TMEM63A: variants seen among roughly 807,000 people sequenced by gnomAD.
TMEM63A encodes the protein mechanosensitive cation channel TMEM63A.
Under a neutral mutation model 100.6 loss-of-function variants are expected in TMEM63A, and 76 were observed. That is an observed-to-expected ratio of 0.76 (90% CI 0.63 to 0.91). The LOEUF is 0.91. Ranked by LOEUF, TMEM63A falls within the 40% of genes least tolerant of loss-of-function variation. TMEM63A has a pLI of 0.00. For synonymous variants in TMEM63A, 401 were observed against 401.1 expected, an observed-to-expected ratio of 1.00 and a Z score of 0.00; for missense variants, 876 against 1,008.8, an observed-to-expected ratio of 0.87 and a Z score of 1.78.
chr1:225,866,057 A>T, intron 9 of TMEM63A, 90 bp from the exon 10 acceptor site: 2 of 1,340,770 alleles, frequency 1.5e-6, no homozygotes, highest in South Asian at 2.5e-5. Context: ...GCCTCTGGAA[A>T]GTAAACAACA....
intron 20 of TMEM63A, among the ~76,000 whole-genome samples, chr1:225,851,434 A>G (rs12070110): frequency 0.037 from 5,631 of 152,140 alleles, 321 homozygotes; most frequent in African/African-American, 0.13. Context: ...CACTGGTGCA[A>G]TCTTGGCTCA....
At chr1:225,873,428 CAT>C (rs1268361845) in intron 4 of TMEM63A, among the ~76,000 whole-genome samples, 1 of 152,158 alleles carries the variant, frequency 6.6e-6, no homozygotes. Flanking sequence ...GCACAGGCCA[CAT>C]GTCAGGAGGC....
intron 21 of TMEM63A, among the ~76,000 whole-genome samples, chr1:225,849,637 C>G (rs1310993328): frequency 6.6e-6 from 1 of 152,186 alleles, no homozygotes; most frequent in African/African-American, 2.4e-5. Flanking sequence ...AGGCTGTCAA[C>G]ACCACACCCA....
Position 225,853,302 on chromosome 1 carries a change from G to A in TMEM63A, c.1797+327C>T, listed in dbSNP as rs1223415283. ...AGCCGAAAATGCCTTTGACATCTGGGGTTTGGCTAAGAATTTATGCAAATG... is the reference window on the plus strand; with the variant it reads ...AGCCGAAAATGCCTTTGACATCTGGAGTTTGGCTAAGAATTTATGCAAATG... On this transcript the variant is annotated intron_variant, in intron 19 of 24. Coordinates refer to ENST00000366835, the MANE Select transcript of TMEM63A (RefSeq NM_014698.3). This position sits in a 1 kb window ranked among gnomAD's most constrained non-coding sequence, Gnocchi z 4.0. Among the ~76,000 whole-genome samples the A allele has an allele frequency of 1.3e-5, 2 of 152,218 alleles. No homozygotes were observed. The highest frequency in any genetic ancestry group is 2.4e-5 in the African/African-American group (1 of 41,456).
intron 9 of TMEM63A, 131 bp downstream of exon 9, chr1:225,866,439 TAAGC>T (rs2102629022): frequency 1.4e-6 from 1 of 695,490 alleles, no homozygotes; most frequent in South Asian, 1.8e-5. Context: ...TGAGCAAGAA[TAAGC>T]AAGCGGGGCT....
Position 225,847,209 on chromosome 1 carries a change from T to G in TMEM63A, c.2255A>C (p.Tyr752Ser). ...EAHMPPPFTP[Y>S]VPRILNGLAS... is the part of the protein sequence containing the mutation. ...CAAGCCGTTCAGAATCCGAGGCACG[T>G]AGGGCTGTCAGCAAATGGATTTGTG... Residue 752 changes from tyrosine to serine, a missense_variant, in exon 24 of 25, where the codon TAC becomes TCC. This residue lies in a region of TMEM63A where 339 missense variants were observed against 342.3 expected (regional missense o/e 0.99). Transcript: ENST00000366835. 1 of 1,612,904 alleles carries G rather than the reference T, an allele frequency of 6.2e-7. No individual in the cohort carries two copies. Among genetic ancestry groups the G allele is most frequent in the Non-Finnish European group, 8.5e-7 (1 of 1,179,590 alleles).
In TMEM63A at chr1:225,859,279, C is replaced by A. The variant is rs1160884835; in HGVS notation, c.1294G>T (p.Gly432Trp). The A allele has an allele frequency of 2.6e-5, 42 of 1,613,896 alleles. No individual in the cohort carries two copies. The highest frequency in any genetic ancestry group is 3.6e-5 in the Non-Finnish European group (42 of 1,180,020). ...WLGINFTLFL[G>W]LFFLTTPSII... ...GAGGGTGTGGTCAGGAAAAATAGCCCCAGGAAGAGGGTGAAGTTGATGCCC... is the reference window on the plus strand; with the variant it reads ...GAGGGTGTGGTCAGGAAAAATAGCCACAGGAAGAGGGTGAAGTTGATGCCC... The change falls in exon 15 of 25, where the codon GGG becomes TGG. Residue 432 changes from glycine to tryptophan, a missense_variant. Physicochemically the swap from Gly to Trp is radical, Grantham distance 184. Transcript: ENST00000366835.
intron 24 of TMEM63A, 43 bp downstream of exon 24, chr1:225,846,991 C>CA (rs1669027988): frequency 6.4e-7 from 1 of 1,556,568 alleles, no homozygotes; most frequent in South Asian, 1.2e-5. Context: ...CCTGTCTTCT[C>CA]ACCCCACAGG....
At chr1:225,856,014 T>C (rs1669593870) in intron 17 of TMEM63A, 74 bp from the exon 18 acceptor site, 3 of 1,513,744 alleles carry the variant, frequency 2.0e-6, no homozygotes, top group African/African-American at 1.4e-5. Flanking sequence ...TTTCATTTTC[T>C]TTTGCTCTAA....
At position 225,865,810 on chromosome 1, in the gene TMEM63A, G is replaced by A. The variant is rs576104043; in HGVS notation, c.746+87C>T. The A allele has an allele frequency of 1.8e-5, 25 of 1,365,620 alleles. No individual in the cohort carries two copies. The highest frequency in any genetic ancestry group is 1.2e-4 in the East Asian group (5 of 40,806). 84.6% of individuals were successfully genotyped at this position (1,365,620 alleles called of 1,614,324 possible). A position where few individuals can be genotyped will look rare whatever the true frequency, so the allele number is the denominator to read the frequency against. On this transcript the variant is annotated intron_variant, in intron 10 of 24. Coordinates refer to ENST00000366835, the MANE Select transcript of TMEM63A (RefSeq NM_014698.3). The surrounding 1 kb of genome is among the most constrained non-coding windows in gnomAD (Gnocchi z 4.6). Reference sequence around the variant, plus strand: ...GATACCCAAGCGAGAGACAGAAGGCGCTCACCTAAGGTGCTCGCCCTGCGG... The same window carrying A: ...GATACCCAAGCGAGAGACAGAAGGCACTCACCTAAGGTGCTCGCCCTGCGG...
At chr1:225,845,202 C>T (rs45495897), downstream of TMEM63A, 1,109 of 1,614,166 alleles carry the variant, frequency 6.9e-4, 7 homozygotes, top group African/African-American at 0.013. Context: ...CTATTGCACA[C>T]GCCTGAAAAG....
At chr1:225,845,477 C>CCCCTCACCCCTCCAAGCTCACT (rs1454043398), downstream of TMEM63A, 25 of 879,342 alleles carry the variant, frequency 2.8e-5, no homozygotes, top group Non-Finnish European at 4.0e-5. Context: ...CCACGCTCAC[C>CCCCTCACCCCTCCAAGCTCACT]CCCTCACCCC....
chr1:225,861,170 G>T, intron 13 of TMEM63A, 173 bp from the exon 14 acceptor site: 1 of 615,422 alleles, frequency 1.6e-6, no homozygotes. Flanking sequence ...CACAGTGTGT[G>T]GAGAATTTTG....
intron 2 of TMEM63A, among the ~76,000 whole-genome samples, chr1:225,878,363 C>G (rs1314583338): frequency 6.6e-6 from 1 of 152,080 alleles, no homozygotes; most frequent in East Asian, 1.9e-4. Context: ...AGTCAGGAGT[C>G]CCAGGGCCTC....
At chr1:225,845,234 A>G (rs1318033102), downstream of TMEM63A, 4 of 1,613,938 alleles carry the variant, frequency 2.5e-6, no homozygotes, top group African/African-American at 5.3e-5. Flanking sequence ...CAAGTACCCA[A>G]AGCTCATCTC....
chr1:225,842,232 G>A (rs1274391976), downstream of TMEM63A: 1 of 734,172 alleles, frequency 1.4e-6, no homozygotes, highest in African/African-American at 1.7e-5. Flanking sequence ...CAGGAGTTAA[G>A]GCAGGCCTGT....
chr1:225,842,299 A>G, downstream of TMEM63A: 1 of 1,218,782 alleles, frequency 8.2e-7, no homozygotes. Flanking sequence ...GCCACACATC[A>G]CACCTGAAGC....
At chr1:225,872,095 A>T in intron 4 of TMEM63A, 42 bp from the exon 5 acceptor site, 3 of 592,150 alleles carry the variant, frequency 5.1e-6, no homozygotes, top group Non-Finnish European at 4.8e-6. Context: ...TAATTCTTAG[A>T]AAAAAAAAAA....
At chr1:225,856,859 G>A (rs1192997650) in intron 16 of TMEM63A, 52 bp downstream of exon 16, 9 of 1,589,626 alleles carry the variant, frequency 5.7e-6, no homozygotes, top group Admixed American at 3.6e-5. Flanking sequence ...ACAAGGGAGC[G>A]GTCAGAGATA....
Sources: gnomAD v4.1 joint callset for allele counts (sites outside exome capture counted in the v4.1 genomes callset) on GRCh38, gnomAD v4.1.1 for gene constraint, gnomAD v4.1.1 regional missense constraint, Gnocchi (gnomAD v3.1) non-coding constraint, MANE v1.5 for transcripts, NCBI Gene and HGNC (gene_info 2026-07-23, HGNC 2026-07-21) for gene names.